KPNA3: variants seen among roughly 807,000 people sequenced by gnomAD.
The protein encoded by KPNA3 is karyopherin subunit alpha 3.
Under a neutral mutation model 73.8 loss-of-function variants are expected in KPNA3, and 13 were observed. The observed-to-expected ratio is 0.18, with a 90% CI of 0.11 to 0.28. The LOEUF (loss-of-function observed/expected upper bound fraction) is 0.28, where lower values mean the gene tolerates loss of function less well. Among genes scored for constraint, KPNA3 ranks in the 10% least tolerant of loss-of-function variants. The probability of loss-of-function intolerance (pLI) is 1.00; values close to 1 mark genes in which losing one functional copy is unlikely to be tolerated. For missense variants in KPNA3, 360 were observed against 618.1 expected (o/e 0.58, Z 4.43); for synonymous variants, 186 against 206.9 (o/e 0.90, Z 0.87).
intron 6 of KPNA3, among the ~76,000 whole-genome samples, chr13:49,730,749 C>T (rs1216766220): frequency 7.1e-6 from 1 of 140,824 alleles, no homozygotes; most frequent in African/African-American, 2.7e-5. Flanking sequence ...AGGTATATCT[C>T]CTAATGCTAT....
intron 2 of KPNA3, among the ~76,000 whole-genome samples, chr13:49,745,664 G>A (rs929697232): frequency 3.9e-5 from 6 of 151,914 alleles, no homozygotes; most frequent in African/African-American, 1.5e-4. Flanking sequence ...GCCCAAGATG[G>A]TAATTCAATA....
intron 1 of KPNA3, among the ~76,000 whole-genome samples, chr13:49,766,057 G>T (rs887020592): frequency 3.3e-5 from 5 of 152,076 alleles, no homozygotes; most frequent in Non-Finnish European, 7.4e-5. Context: ...CACCTTATCT[G>T]TAGATAACAG....
intron 2 of KPNA3, among the ~76,000 whole-genome samples, chr13:49,746,512 A>G (rs1285000211): frequency 1.3e-5 from 2 of 152,230 alleles, no homozygotes; most frequent in African/African-American, 4.8e-5. Flanking sequence ...CAATCTGATG[A>G]AGGTAACTCT....
intron 1 of KPNA3, among the ~76,000 whole-genome samples, chr13:49,782,358 T>G (rs2137604823): frequency 6.6e-6 from 1 of 152,340 alleles, no homozygotes; most frequent in East Asian, 1.9e-4. Flanking sequence ...CTACCTCAAG[T>G]ATGACCTTCT....
intron 1 of KPNA3, among the ~76,000 whole-genome samples, chr13:49,780,652 C>T (rs1469508428): frequency 1.3e-5 from 2 of 151,970 alleles, no homozygotes; most frequent in African/African-American, 4.8e-5. Context: ...AGGTTTTTCA[C>T]AATCTGGCTC....
At chr13:49,728,240 A>AC (rs1954429990) in intron 6 of KPNA3, among the ~76,000 whole-genome samples, 2 of 152,024 alleles carry the variant, frequency 1.3e-5, no homozygotes, top group African/African-American at 4.8e-5. Context: ...GTCTCAAAAA[A>AC]AAAAAAAAAA....
intron 1 of KPNA3, among the ~76,000 whole-genome samples, chr13:49,770,758 G>GA (rs35108032): frequency 0.33 from 37,769 of 115,558 alleles, 5,322 homozygotes; most frequent in Admixed American, 0.41. Flanking sequence ...TCCATTTGTT[G>GA]AAAAAAAAAA....
At chr13:49,764,169 T>TCTG in intron 1 of KPNA3, among the ~76,000 whole-genome samples, 1 of 152,198 alleles carries the variant, frequency 6.6e-6, no homozygotes, top group Middle Eastern at 3.4e-3. Context: ...TCTCGCTCTG[T>TCTG]TTTTGTTTCC....
chr13:49,735,951 A>G (rs1309844526), intron 2 of KPNA3, among the ~76,000 whole-genome samples: 1 of 152,196 alleles, frequency 6.6e-6, no homozygotes, highest in Admixed American at 6.5e-5. Flanking sequence ...TTCCACCTTG[A>G]AAAACTGGCT....
At chr13:49,727,537 T>G (rs751034907) in intron 6 of KPNA3, among the ~76,000 whole-genome samples, 1 of 151,228 alleles carries the variant, frequency 6.6e-6, no homozygotes, top group Non-Finnish European at 1.5e-5. Context: ...GTCAGAGATA[T>G]AGCAAATAGT....
intron 2 of KPNA3, among the ~76,000 whole-genome samples, chr13:49,737,904 A>G (rs959020255): frequency 1.3e-5 from 2 of 152,332 alleles, no homozygotes; most frequent in African/African-American, 2.4e-5. Context: ...GCTCTCACAC[A>G]GCAAAATTTT....
In KPNA3 at chr13:49,755,738, C is replaced by T. The variant is rs146815317; in HGVS notation, c.70-8745G>A. Among the ~76,000 whole-genome samples the T allele has an allele frequency of 9.3e-3, 1,414 of 152,180 alleles. 18 individuals carry two copies. The highest frequency in any genetic ancestry group is 0.032 in the African/African-American group (1,326 of 41,512). ...CCCAGGAGGCGGAGGTTGCAGTGAG[C>T]CGAGATCGTGCCACTGCACTCCAGC... On this transcript the variant is annotated intron_variant, in intron 1 of 16. Coordinates refer to ENST00000261667, the MANE Select transcript of KPNA3 (RefSeq NM_002267.4).
At chr13:49,753,356 C>T (rs566378286) in intron 1 of KPNA3, among the ~76,000 whole-genome samples, 22 of 152,248 alleles carry the variant, frequency 1.4e-4, no homozygotes, top group African/African-American at 5.1e-4. Context: ...AAATGTGAAT[C>T]AAGGACTTTA....
intron 10 of KPNA3, among the ~76,000 whole-genome samples, chr13:49,714,915 T>C (rs971617501): frequency 2.6e-5 from 4 of 152,060 alleles, no homozygotes; most frequent in East Asian, 1.9e-4. Flanking sequence ...CAGAATCACA[T>C]ACTACATTGA....
At chr13:49,768,567 ATTTTTTTTTTTTT>A (rs67753113) in intron 1 of KPNA3, among the ~76,000 whole-genome samples, 1,051 of 64,948 alleles carry the variant, frequency 0.016, 15 homozygotes, top group Middle Eastern at 0.024. Flanking sequence ...GGGTTAATCA[ATTTTTTTTTTTTT>A]TTTTTTTTTT....
chr13:49,748,126 G>T (rs934231910), intron 1 of KPNA3, among the ~76,000 whole-genome samples: 1 of 152,120 alleles, frequency 6.6e-6, no homozygotes, highest in Admixed American at 6.5e-5. Flanking sequence ...CTCATCTTAT[G>T]AACTACCTTA....
chr13:49,761,385 C>A lies in KPNA3; in HGVS notation c.70-14392G>T, dbSNP rs987339631. 6.6e-5 allele frequency among the ~76,000 whole-genome samples: 10 copies of A among 152,296 alleles called. No homozygotes were observed. The South Asian group carries it at 2.1e-3, about 32-fold the overall frequency. On this transcript the variant is annotated intron_variant, in intron 1 of 16. Coordinates refer to ENST00000261667, the MANE Select transcript of KPNA3 (RefSeq NM_002267.4). ...TGCCGAGTGCCTGCGATTGCAGGCG[C>A]ACACCGCCACGCCTGACTGGTTTTC...
intron 7 of KPNA3, among the ~76,000 whole-genome samples, chr13:49,724,247 AAT>A (rs374122861): frequency 1.7e-4 from 26 of 152,246 alleles, no homozygotes; most frequent in East Asian, 9.6e-4. Context: ...TGTTTGTATG[AAT>A]ATGTTTTCAT....
chr13:49,728,159 C>T (rs751663377), intron 6 of KPNA3, among the ~76,000 whole-genome samples: 1 of 150,652 alleles, frequency 6.6e-6, no homozygotes, highest in Non-Finnish European at 1.5e-5. Flanking sequence ...GGTGTGAACC[C>T]AGGAGGCGGA....
Sources: gnomAD v4.1 joint callset for allele counts (sites outside exome capture counted in the v4.1 genomes callset) on GRCh38, gnomAD v4.1.1 for gene constraint, MANE v1.5 for transcripts, NCBI Gene and HGNC (gene_info 2026-07-23, HGNC 2026-07-21) for gene names.